Variants in CEP128 observed in about 807,000 individuals in gnomAD.
CEP128 encodes centrosomal protein 128, also known as centrosomal protein 128kDa.
Under a neutral mutation model 156.7 loss-of-function variants are expected in CEP128, and 132 were observed. The ratio of observed to expected loss-of-function variants is 0.84; its 90% CI spans 0.73 to 0.97. The LOEUF (loss-of-function observed/expected upper bound fraction) is 0.97, where lower values mean the gene tolerates loss of function less well. Ranked by LOEUF, CEP128 falls within the 50% of genes least tolerant of loss-of-function variation. CEP128 has a pLI of 0.00. For synonymous variants in CEP128, 469 were observed against 448.9 expected (o/e 1.04, Z -0.57); for missense variants, 1,252 against 1,281.9 (o/e 0.98, Z 0.36).
chr14:80,798,240 G>C, intron 13 of CEP128, among the ~76,000 whole-genome samples: 1 of 152,138 alleles, frequency 6.6e-6, no homozygotes, highest in East Asian at 1.9e-4. Flanking sequence ...TGAGTAGTTG[G>C]GTTGAAGGTC....
intron 13 of CEP128, chr14:80,830,150 A>G: frequency 2.0e-6 from 1 of 497,126 alleles, no homozygotes; most frequent in African/African-American, 2.0e-5. Flanking sequence ...TTGTATAATT[A>G]CCATTGCTCT....
intron 2 of CEP128, among the ~76,000 whole-genome samples, chr14:80,937,812 A>T (rs1353666560): frequency 6.6e-6 from 1 of 152,160 alleles, no homozygotes; most frequent in Admixed American, 6.5e-5. Flanking sequence ...TGGTAAATCT[A>T]GATTATTTTT....
Position 80,792,797 on chromosome 14 carries a change from G to T in CEP128, c.1523C>A (p.Ser508Tyr), listed in dbSNP as rs200946609. 66 of 1,614,026 alleles carry T rather than the reference G, an allele frequency of 4.1e-5. No individual in the cohort carries two copies. Among genetic ancestry groups the T allele is most frequent in the Non-Finnish European group, 5.4e-5 (64 of 1,180,010 alleles). The change falls in exon 14 of 25, where the codon TCT becomes TAT. Residue 508 changes from serine to tyrosine, a missense_variant. Coordinates refer to ENST00000555265, the MANE Select transcript of CEP128 (RefSeq NM_152446.5). ...KKLERALEKQ[S>Y]ETVDELTGKN... The stretch of plus-strand genomic sequence containing the variant: ...GCCTGTCAGTTCATCAACAGTTTCA[G>T]ATTGTTTCTCCAACGCTCGTTCTAA...
At chr14:80,644,245 T>C (rs1722009405) in intron 19 of CEP128, among the ~76,000 whole-genome samples, 1 of 152,204 alleles carries the variant, frequency 6.6e-6, no homozygotes, top group African/African-American at 2.4e-5. Context: ...TCTGTTGTTC[T>C]AAACCACTCC....
At chr14:80,797,977 T>C (rs185575794) in intron 13 of CEP128, among the ~76,000 whole-genome samples, 91 of 152,318 alleles carry the variant, frequency 6.0e-4, no homozygotes, top group Admixed American at 5.9e-3. Flanking sequence ...ACATTTAGAT[T>C]GTGTGAAATT....
At chr14:80,813,866 C>T (rs1201980506) in intron 13 of CEP128, among the ~76,000 whole-genome samples, 2 of 152,046 alleles carry the variant, frequency 1.3e-5, no homozygotes, top group Non-Finnish European at 2.9e-5. Context: ...CTTTGTTTCT[C>T]CTTGAGAAAA....
intron 8 of CEP128, among the ~76,000 whole-genome samples, chr14:80,868,077 G>C (rs909120755): frequency 2.0e-5 from 3 of 152,142 alleles, no homozygotes; most frequent in South Asian, 4.1e-4. Context: ...GGGGTGGGGG[G>C]AGACAGGTGC....
intron 19 of CEP128, among the ~76,000 whole-genome samples, chr14:80,647,956 C>G (rs115424453): frequency 0.016 from 2,496 of 152,094 alleles, 76 homozygotes; most frequent in African/African-American, 0.057. Flanking sequence ...TTATATTTCC[C>G]AACTTCTTAT....
At chr14:80,846,702 TAATA>T (rs1405870533) in intron 9 of CEP128, among the ~76,000 whole-genome samples, 1 of 152,162 alleles carries the variant, frequency 6.6e-6, no homozygotes, top group African/African-American at 2.4e-5. Flanking sequence ...ATTATTTTCT[TAATA>T]AAGTAAAAAG....
At chr14:80,796,006 C>T (rs913647522) in intron 13 of CEP128, among the ~76,000 whole-genome samples, 4 of 152,182 alleles carry the variant, frequency 2.6e-5, no homozygotes, top group Middle Eastern at 3.4e-3. Context: ...TTCCTCAATC[C>T]TACATTATCT....
At chr14:80,868,511 A>T (rs117291421) in intron 8 of CEP128, among the ~76,000 whole-genome samples, 3,046 of 152,254 alleles carry the variant, frequency 0.02, 60 homozygotes, top group Non-Finnish European at 0.03. Flanking sequence ...TATTTAAAAG[A>T]CAGAGAAAGC....
intron 20 of CEP128, among the ~76,000 whole-genome samples, chr14:80,578,089 C>G (rs1024518770): frequency 6.6e-6 from 1 of 152,152 alleles, no homozygotes; most frequent in South Asian, 2.1e-4. Flanking sequence ...GACAGATGTT[C>G]TTATATGTTC....
chr14:80,612,152 G>C (rs968671633), intron 19 of CEP128, among the ~76,000 whole-genome samples: 1 of 152,176 alleles, frequency 6.6e-6, no homozygotes, highest in Admixed American at 6.5e-5. Flanking sequence ...TATGTAGTAC[G>C]AGCCACAAAA....
intron 2 of CEP128, among the ~76,000 whole-genome samples, chr14:80,924,033 T>C (rs1885018185): frequency 6.6e-6 from 1 of 152,206 alleles, no homozygotes; most frequent in Admixed American, 6.5e-5. Flanking sequence ...TGATTGTAAG[T>C]TTCCTGAGGT....
At chr14:80,648,506 T>A (rs896451673) in intron 19 of CEP128, among the ~76,000 whole-genome samples, 45 of 152,096 alleles carry the variant, frequency 3.0e-4, no homozygotes, top group African/African-American at 1.1e-3. Flanking sequence ...ATACTTCATT[T>A]CTTTATTAAA....
At chr14:80,867,623 T>C (rs1418490358) in intron 8 of CEP128, among the ~76,000 whole-genome samples, 1 of 151,112 alleles carries the variant, frequency 6.6e-6, no homozygotes, top group African/African-American at 2.4e-5. Flanking sequence ...AACTAGATCA[T>C]GAGCTCAAAG....
At chr14:80,889,271 A>G (rs1888960839) in intron 8 of CEP128, among the ~76,000 whole-genome samples, 1 of 152,224 alleles carries the variant, frequency 6.6e-6, no homozygotes, top group South Asian at 2.1e-4. Flanking sequence ...CAGAATTAGA[A>G]AAACTACTTT....
At chr14:80,939,279 GA>G (rs1886013461) in intron 2 of CEP128, 105 bp downstream of exon 2, 1 of 152,134 alleles carries the variant, frequency 6.6e-6, no homozygotes, top group African/African-American at 2.4e-5. Flanking sequence ...CCATATATTA[GA>G]AGGGGCTTCT....
intron 8 of CEP128, among the ~76,000 whole-genome samples, chr14:80,878,938 G>T (rs948624043): frequency 6.6e-6 from 1 of 152,180 alleles, no homozygotes; most frequent in African/African-American, 2.4e-5. Flanking sequence ...CTTCAAGAGA[G>T]ATCCTCTCAG....
Sources: gnomAD v4.1 joint callset for allele counts (sites outside exome capture counted in the v4.1 genomes callset) on GRCh38, gnomAD v4.1.1 for gene constraint, MANE v1.5 for transcripts, NCBI Gene and HGNC (gene_info 2026-07-23, HGNC 2026-07-21) for gene names.